LMF1: variants seen among roughly 807,000 people sequenced by gnomAD.
The protein encoded by LMF1 is lipase maturation factor 1, also known as transmembrane protein 112.
A neutral mutation model predicts 60.6 loss-of-function variants in LMF1; 68 were observed. The observed-to-expected ratio is 1.12, with a 90% CI of 0.92 to 1.37. LMF1 has a LOEUF of 1.37. LMF1 is among the 40% of genes most tolerant of loss of function. LMF1 has a pLI of 0.00. For missense variants in LMF1, 948 were observed against 767.2 expected (o/e 1.24, Z -2.78); for synonymous variants, 418 against 324.7 (o/e 1.29, Z -3.09).
In LMF1 at chr16:970,907, G is replaced by C; in HGVS notation, c.74C>G (p.Pro25Arg). ...CGGCGCGGGCGGCGACTCAGGCTCC[G>C]GATCCGAGTACCCAGTCTTCCGCCT... ...LRRRKTGYSD[P>R]EPESPPAPGR... Residue 25 changes from proline to arginine, a missense_variant, in exon 1 of 11, where the codon CCG (proline) becomes CGG (arginine). By Grantham distance (103) the Pro-to-Arg change is moderately radical. Transcript: ENST00000262301. The C allele has an allele frequency of 6.3e-7, 1 of 1,581,830 alleles. No homozygotes were observed.
At chr16:953,481 C>T (rs367981042) in intron 2 of LMF1, among the ~76,000 whole-genome samples, 1 of 23,262 alleles carries the variant, frequency 4.3e-5, no homozygotes, top group African/African-American at 1.5e-4. Context: ...AGACACCCAC[C>T]CCAAACCAGC....
intron 2 of LMF1, among the ~76,000 whole-genome samples, chr16:949,887 G>A (rs1443859203): frequency 9.3e-6 from 1 of 107,852 alleles, no homozygotes; most frequent in Admixed American, 9.3e-5. Context: ...GCCAACGACA[G>A]AATCAGAGAC....
At chr16:884,399 T>G (rs974408357) in intron 5 of LMF1, among the ~76,000 whole-genome samples, 1 of 152,088 alleles carries the variant, frequency 6.6e-6, no homozygotes, top group African/African-American at 2.4e-5. Context: ...GAGACGAGAG[T>G]AGAGTACAAT....
intron 4 of LMF1, among the ~76,000 whole-genome samples, chr16:896,344 G>A (rs573221275): frequency 5.9e-5 from 9 of 152,358 alleles, no homozygotes; most frequent in African/African-American, 1.4e-4. Flanking sequence ...CGGCATCGCC[G>A]TCTCTAGGGT....
In LMF1 at chr16:897,294, C is replaced by T. The variant is rs1005624168; in HGVS notation, c.664-4222G>A. ...CTTCTCTCACTTGGCCCCCAGAGGC[C>T]GCCATCCACCCTGCAGCGACAGCCC... On this transcript the variant is annotated intron_variant, in intron 4 of 10. Transcript: ENST00000262301. This position sits in a 1 kb window ranked among gnomAD's most constrained non-coding sequence, Gnocchi z 4.3. Among the ~76,000 whole-genome samples, 19 of 152,206 alleles carry T rather than the reference C, an allele frequency of 1.2e-4. No individual in the cohort carries two copies. Among genetic ancestry groups the T allele is most frequent in the African/African-American group, 4.1e-4 (17 of 41,452 alleles).
chr16:914,528 C>CG (rs1567230726), intron 3 of LMF1, among the ~76,000 whole-genome samples: 1 of 150,382 alleles, frequency 6.6e-6, no homozygotes, highest in East Asian at 2.0e-4. Context: ...ATTGGTGACA[C>CG]ACTCCCTCCC....
intron 10 of LMF1, among the ~76,000 whole-genome samples, chr16:859,482 G>GC (rs1195568923): frequency 2.0e-5 from 2 of 102,558 alleles, no homozygotes; most frequent in Admixed American, 8.7e-5. Context: ...GGACGGGTGT[G>GC]AGTGGTGTCT....
At position 876,548 on chromosome 16, in the gene LMF1, G is replaced by C. The variant is rs146176182; in HGVS notation, c.897+3022C>G. Reference sequence around the variant, plus strand: ...ACGCTGAGCGCAGGGAAACTGGGAGGGGGGGATAAGGGAACCTTTGTAGTC... The same window carrying C: ...ACGCTGAGCGCAGGGAAACTGGGAGCGGGGGATAAGGGAACCTTTGTAGTC... On this transcript the variant is annotated intron_variant, in intron 6 of 10. Coordinates refer to ENST00000262301, the MANE Select transcript of LMF1 (RefSeq NM_022773.4). Among the ~76,000 whole-genome samples, 656 of 147,936 alleles carry C rather than the reference G, an allele frequency of 4.4e-3. 6 individuals are homozygous for C. Among genetic ancestry groups the C allele is most frequent in the African/African-American group, 0.015 (624 of 41,246 alleles).
At chr16:971,019 TCGGAGGCCCCGCCCA>T, upstream of LMF1, 7 of 590,110 alleles carry the variant, frequency 1.2e-5, no homozygotes, top group Non-Finnish European at 1.5e-5. Flanking sequence ...CCGCCCATTC[TCGGAGGCCCCGCCCA>T]TTCTCGGAGG....
intron 10 of LMF1, among the ~76,000 whole-genome samples, chr16:866,791 G>C (rs1266312735): frequency 1.3e-5 from 2 of 152,146 alleles, no homozygotes; most frequent in African/African-American, 4.8e-5. Context: ...GATTTTTGTT[G>C]AGGTGTTTCT....
At chr16:893,401 C>T (rs1314057504) in intron 4 of LMF1, 3 of 479,008 alleles carry the variant, frequency 6.3e-6, no homozygotes, top group Non-Finnish European at 4.1e-6. Context: ...AGGACAAATG[C>T]ACCACGCCCT....
At chr16:861,600 C>A (rs951945491) in intron 10 of LMF1, among the ~76,000 whole-genome samples, 1 of 152,116 alleles carries the variant, frequency 6.6e-6, no homozygotes, top group Admixed American at 6.6e-5. Flanking sequence ...AGGTGACTGG[C>A]CTGCCTTGGC....
chr16:950,700 CAGAGCCAATGACAGAGTCAG>C (rs1403544931), intron 2 of LMF1, among the ~76,000 whole-genome samples: 8 of 144,160 alleles, frequency 5.5e-5, no homozygotes, highest in African/African-American at 1.1e-4. Flanking sequence ...ACGACAGAGT[CAGAGCCAATGACAGAGTCAG>C]AGCCAACGAC....
intron 1 of LMF1, among the ~76,000 whole-genome samples, chr16:969,280 G>T (rs973063440): frequency 2.0e-5 from 3 of 151,982 alleles, no homozygotes; most frequent in Admixed American, 1.3e-4. Flanking sequence ...GTGCCGTTGC[G>T]CTCCAGCCTG....
At chr16:977,717 G>A (rs1043206266) in intron 1 of LMF1, among the ~76,000 whole-genome samples, 5 of 151,988 alleles carry the variant, frequency 3.3e-5, no homozygotes, top group South Asian at 2.1e-4. Context: ...AGGGAGGGAC[G>A]GAGGGGCACA....
chr16:863,161 T>C (rs772228971), intron 10 of LMF1, among the ~76,000 whole-genome samples: 5 of 152,212 alleles, frequency 3.3e-5, no homozygotes, highest in Non-Finnish European at 7.3e-5. Context: ...GCAGGGTCTG[T>C]AGTGATATCT....
upstream of LMF1, chr16:971,104 G>A (rs1055636456): frequency 7.1e-5 from 75 of 1,058,218 alleles, no homozygotes; most frequent in Non-Finnish European, 9.2e-5. Context: ...ACCCCGGGAG[G>A]CCCCGCTCAC....
At chr16:861,843 G>A (rs1006442856) in intron 10 of LMF1, among the ~76,000 whole-genome samples, 5 of 152,204 alleles carry the variant, frequency 3.3e-5, no homozygotes, top group Non-Finnish European at 5.9e-5. Flanking sequence ...TAGAGCAGAC[G>A]TCCTTTCTTG....
intron 3 of LMF1, among the ~76,000 whole-genome samples, chr16:924,767 A>C (rs1182912678): frequency 1.3e-5 from 2 of 152,244 alleles, no homozygotes; most frequent in Non-Finnish European, 2.9e-5. Context: ...AAAAGCAAGC[A>C]ACTACAAGAG....
Sources: gnomAD v4.1 joint callset for allele counts (sites outside exome capture counted in the v4.1 genomes callset) on GRCh38, gnomAD v4.1.1 for gene constraint, Gnocchi (gnomAD v3.1) non-coding constraint, MANE v1.5 for transcripts, NCBI Gene and HGNC (gene_info 2026-07-23, HGNC 2026-07-21) for gene names.